The following USP8 variants were observed in gnomAD, a reference collection of about 807,000 sequenced individuals.
USP8 encodes ubiquitin specific peptidase 8.
Under a neutral mutation model 130.0 loss-of-function variants are expected in USP8, and 27 were observed. The observed-to-expected ratio is 0.21, with a 90% CI of 0.15 to 0.29. The LOEUF (loss-of-function observed/expected upper bound fraction) is 0.29, where lower values mean the gene tolerates loss of function less well. USP8 is among the 10% of genes least tolerant of loss of function. The pLI is 1.00. For synonymous variants in USP8, 392 were observed against 444.1 expected (o/e 0.88, Z 1.48); for missense variants, 1,029 against 1,312.2 (o/e 0.78, Z 3.33).
intron 17 of USP8, among the ~76,000 whole-genome samples, chr15:50,496,672 G>A (rs933954335): frequency 6.6e-6 from 1 of 152,120 alleles, no homozygotes; most frequent in African/African-American, 2.4e-5. Context: ...AAAGTTGTCT[G>A]TTGACTAACT....
At chr15:50,436,146 A>G (rs892921257) in intron 1 of USP8, among the ~76,000 whole-genome samples, 3 of 152,084 alleles carry the variant, frequency 2.0e-5, no homozygotes, top group African/African-American at 7.2e-5. Context: ...AACAAAGTAA[A>G]TGCTTTAGTA....
rs2052610198 is a variant in USP8 at position 50,502,794 on chromosome 15, A to T, written c.*3706A>T. On this transcript the variant is annotated 3_prime_UTR_variant, in exon 20 of 20. Transcript: ENST00000307179. ...ACTACAGGCATACACCACCATGTCCAGAATGAAAATGGATCTGACTAGTTA... is the reference window on the plus strand; with the variant it reads ...ACTACAGGCATACACCACCATGTCCTGAATGAAAATGGATCTGACTAGTTA... The T allele has an allele frequency of 6.6e-6, 1 of 152,360 alleles. No homozygotes were observed. Among genetic ancestry groups the T allele is most frequent in the Non-Finnish European group, 1.5e-5 (1 of 68,150 alleles). The allele number at this position is 152,360 out of a possible 1,614,324, so 9.4% of individuals were successfully genotyped here.
intron 3 of USP8, among the ~76,000 whole-genome samples, chr15:50,442,235 A>G (rs2050285240): frequency 6.6e-6 from 1 of 152,056 alleles, no homozygotes; most frequent in Non-Finnish European, 1.5e-5. Flanking sequence ...CGGCCTCCCA[A>G]AGTGCTGGGA....
intron 8 of USP8, 102 bp downstream of exon 8, chr15:50,471,897 C>A: frequency 1.3e-4 from 143 of 1,080,092 alleles, no homozygotes; most frequent in Non-Finnish European, 1.8e-4. Flanking sequence ...AAAGATTCAT[C>A]ATGCCTTTTT....
chr15:50,485,311 G>C (rs374842973), intron 12 of USP8, among the ~76,000 whole-genome samples: 1 of 151,638 alleles, frequency 6.6e-6, no homozygotes, highest in South Asian at 2.1e-4. Context: ...TTAGCCGGGC[G>C]TGGTGGCAGG....
chr15:50,447,388 G>C (rs946183595), intron 3 of USP8, among the ~76,000 whole-genome samples: 1 of 151,846 alleles, frequency 6.6e-6, no homozygotes, highest in South Asian at 2.1e-4. Context: ...CTACAGGCAC[G>C]TGCCTCCACG....
intron 5 of USP8, among the ~76,000 whole-genome samples, chr15:50,461,480 C>CTAAGTG (rs2051002423): frequency 1.5e-5 from 2 of 137,028 alleles, no homozygotes; most frequent in Non-Finnish European, 3.2e-5. Context: ...AAAAAAAGGT[C>CTAAGTG]TAAGTGGGTC....
intron 8 of USP8, among the ~76,000 whole-genome samples, 192 bp downstream of exon 8, chr15:50,471,987 G>A (rs914451519): frequency 2.1e-5 from 3 of 145,838 alleles, no homozygotes; most frequent in South Asian, 4.4e-4. Context: ...TGCAACCTCC[G>A]CGTCCCAGGT....
chr15:50,456,462 A>C (rs1424354406), intron 4 of USP8, among the ~76,000 whole-genome samples: 2 of 151,306 alleles, frequency 1.3e-5, no homozygotes, highest in Admixed American at 1.3e-4. Context: ...CATCCCAGCC[A>C]CTCGAGAGGC....
chr15:50,493,166 C>T (rs1033024656), intron 15 of USP8: 25 of 567,448 alleles, frequency 4.4e-5, no homozygotes, highest in Admixed American at 3.7e-4. Context: ...CTCGTCCTGT[C>T]GAGCCCTAAA....
intron 11 of USP8, among the ~76,000 whole-genome samples, chr15:50,483,875 A>G (rs2051859934): frequency 6.6e-6 from 1 of 152,134 alleles, no homozygotes; most frequent in Non-Finnish European, 1.5e-5. Context: ...TCTGTATCTT[A>G]ATTTCTTCTT....
intron 5 of USP8, among the ~76,000 whole-genome samples, chr15:50,459,545 C>T (rs1037733099): frequency 6.6e-6 from 1 of 152,050 alleles, no homozygotes; most frequent in Non-Finnish European, 1.5e-5. Flanking sequence ...GATCGTACCA[C>T]TCCACTCCAG....
chr15:50,493,081 G>A (rs1467552352), intron 15 of USP8, 168 bp downstream of exon 15: 11 of 763,700 alleles, frequency 1.4e-5, no homozygotes, highest in South Asian at 8.7e-5. Context: ...GAAGGCCATC[G>A]TCTAGGTGCC....
chr15:50,435,838 C>T (rs2050076011), intron 1 of USP8, among the ~76,000 whole-genome samples: 1 of 152,140 alleles, frequency 6.6e-6, no homozygotes, highest in Non-Finnish European at 1.5e-5. Context: ...CAGTCTTTCT[C>T]CTAGAAACCC....
chr15:50,434,821 T>C (rs980262123), intron 1 of USP8, among the ~76,000 whole-genome samples: 1 of 152,138 alleles, frequency 6.6e-6, no homozygotes, highest in African/African-American at 2.4e-5. Flanking sequence ...GGTTTCACCA[T>C]GTTGGCCAGG....
chr15:50,426,888 T>C (rs2049746841), intron 1 of USP8: 1 of 152,182 alleles, frequency 6.6e-6, no homozygotes, highest in Admixed American at 6.5e-5. Flanking sequence ...TATTGGACTC[T>C]TGTTTGCATT....
chr15:50,450,067 G>T (rs1159436597), intron 4 of USP8, among the ~76,000 whole-genome samples: 1 of 149,916 alleles, frequency 6.7e-6, no homozygotes, highest in Non-Finnish European at 1.5e-5. Flanking sequence ...CTAATTTTTT[G>T]TATTTTTAGT....
In USP8 at chr15:50,499,111, T is replaced by TTATC. The variant is rs1296686844; in HGVS notation, c.*25_*28dup. ...TAAGGAGACATAGGTTATAAACTAGTTATCTTTTAAAAGGCTCAGCAACAC... is the reference window on the plus strand; with the variant it reads ...TAAGGAGACATAGGTTATAAACTAGTTATCTATCTTTTAAAAGGCTCAGCAACAC... On this transcript the variant is annotated 3_prime_UTR_variant, in exon 20 of 20. Coordinates refer to ENST00000307179, the MANE Select transcript of USP8 (RefSeq NM_005154.5). 2 of 1,557,510 alleles carry TTATC rather than the reference T, an allele frequency of 1.3e-6. No homozygotes were observed. Among genetic ancestry groups the TTATC allele is most frequent in the East Asian group, 2.3e-5 (1 of 44,204 alleles).
intron 3 of USP8, among the ~76,000 whole-genome samples, chr15:50,443,046 A>G (rs2050311407): frequency 2.6e-5 from 4 of 152,022 alleles, no homozygotes; most frequent in Admixed American, 2.6e-4. Flanking sequence ...AATTTTTTTA[A>G]TTTATTTACT....
Sources: allele counts gnomAD v4.1 joint callset (sites outside exome capture counted in the v4.1 genomes callset), GRCh38; gene constraint gnomAD v4.1.1; transcripts MANE v1.5; gene names NCBI Gene and HGNC (gene_info 2026-07-23, HGNC 2026-07-21).